The following BANK1 variants were observed in gnomAD, a reference collection of about 807,000 sequenced individuals.
BANK1 encodes B-cell scaffold protein with ankyrin repeats.
In BANK1, 95 loss-of-function variants were observed where a neutral mutation model predicts 94.5. That is an observed-to-expected ratio of 1.00 (90% CI 0.85 to 1.19). The LOEUF is 1.19. Among genes scored for constraint, BANK1 ranks in the 50% most tolerant of loss-of-function variants. BANK1 has a pLI of 0.00. For missense variants in BANK1, 987 were observed against 932.2 expected (o/e 1.06, Z -0.77); for synonymous variants, 334 against 308.4 (o/e 1.08, Z -0.87).
intron 10 of BANK1, among the ~76,000 whole-genome samples, chr4:102,035,828 C>CT (rs892305879): frequency 2.6e-4 from 38 of 148,300 alleles, no homozygotes; most frequent in African/African-American, 4.7e-4. Context: ...TTTTCCTCTA[C>CT]TTTTTTTTTT....
intron 4 of BANK1, among the ~76,000 whole-genome samples, chr4:101,863,079 G>T (rs910885028): frequency 1.3e-5 from 2 of 150,346 alleles, no homozygotes; most frequent in African/African-American, 2.4e-5. Context: ...GTATATTTTT[G>T]TTACTCTGAA....
At position 101,961,640 on chromosome 4, in the gene BANK1, C is replaced by G. The variant is rs77750729; in HGVS notation, c.1206+43451C>G. On this transcript the variant is annotated intron_variant, in intron 7 of 16. Coordinates refer to ENST00000322953, the MANE Select transcript of BANK1 (RefSeq NM_017935.5). ...CGTTTATTTTAAGGCAATTCTACAG[C>G]AAATAAATGAAATTTTGAAAGTCAG... Among the ~76,000 whole-genome samples, 572 of 152,112 alleles carry G rather than the reference C, an allele frequency of 3.8e-3. 3 individuals carry two copies. The highest frequency in any genetic ancestry group is 0.013 in the African/African-American group (538 of 41,500).
chr4:102,071,292 C>T lies in BANK1; in HGVS notation c.2230C>T (p.His744Tyr), dbSNP rs1728751668. The change falls in exon 14 of 17, where the codon CAC becomes TAC. Residue 744 changes from histidine to tyrosine, a missense_variant. Physicochemically the swap from His to Tyr is moderately conservative, Grantham distance 83 (BLOSUM62 2). Transcript: ENST00000322953. ...ENVYNKLTIV[H>Y]HPGGKETAHN... ...TCTTCCAGATAAACTCACCATTGTG[C>T]ACCATCCAGGTGGTAAGTGCTTGGT... 6.2e-7 allele frequency: 1 copy of T among 1,613,868 alleles called. No homozygotes were observed. The highest frequency in any genetic ancestry group is 2.2e-5 in the East Asian group (1 of 44,854).
chr4:101,928,918 GAATTT>G (rs1723250608), intron 7 of BANK1, among the ~76,000 whole-genome samples: 12 of 151,686 alleles, frequency 7.9e-5, no homozygotes, highest in Admixed American at 7.9e-4. Flanking sequence ...ACCCTCTGAG[GAATTT>G]CTACTTAGTT....
At chr4:101,997,659 T>C (rs922725747) in intron 7 of BANK1, among the ~76,000 whole-genome samples, 3 of 152,204 alleles carry the variant, frequency 2.0e-5, no homozygotes, top group African/African-American at 7.2e-5. Context: ...GGATGGTGTA[T>C]GTGTCCAGGA....
At chr4:102,007,170 A>ATATATATAT (rs1560682419) in intron 7 of BANK1, among the ~76,000 whole-genome samples, 8 of 113,196 alleles carry the variant, frequency 7.1e-5, no homozygotes, top group Non-Finnish European at 1.3e-4. Flanking sequence ...ATATATATAT[A>ATATATATAT]AAATCCCTAA....
chr4:101,809,777 T>G (rs937522011), intron 1 of BANK1, among the ~76,000 whole-genome samples: 1 of 152,236 alleles, frequency 6.6e-6, no homozygotes, highest in East Asian at 1.9e-4. Context: ...TGCACATATA[T>G]CCATTTTACT....
Position 102,070,236 on chromosome 4 carries a change from T to A in BANK1, c.2213-1039T>A, listed in dbSNP as rs180845446. Among the ~76,000 whole-genome samples the A allele has an allele frequency of 5.3e-5, 8 of 152,314 alleles. No homozygotes were observed. The East Asian group carries it at 1.5e-3, about 29-fold the overall frequency. On this transcript the variant is annotated intron_variant, in intron 13 of 16. Transcript: ENST00000322953. ...CCCTGTTTAACCTTGATCCTAAGACTTTATATGCTGGCCAACTTCCAGCAT... is the reference window on the plus strand; with the variant it reads ...CCCTGTTTAACCTTGATCCTAAGACATTATATGCTGGCCAACTTCCAGCAT...
intron 7 of BANK1, among the ~76,000 whole-genome samples, chr4:101,954,075 A>G (rs182617418): frequency 2.6e-5 from 4 of 152,098 alleles, no homozygotes; most frequent in East Asian, 3.9e-4. Flanking sequence ...GTTGCCAGTA[A>G]TTCTTGACAT....
intron 1 of BANK1, among the ~76,000 whole-genome samples, chr4:101,791,195 C>T (rs1724972741): frequency 3.4e-5 from 5 of 147,382 alleles, no homozygotes; most frequent in Admixed American, 3.4e-4. Flanking sequence ...GCGGGCTACC[C>T]TCAGTGTCTG....
At chr4:101,889,680 G>A (rs1721778276) in intron 5 of BANK1, among the ~76,000 whole-genome samples, 1 of 139,168 alleles carries the variant, frequency 7.2e-6, no homozygotes, top group Non-Finnish European at 1.6e-5. Context: ...TTTCAATTTT[G>A]AGTTCAGCTG....
intron 7 of BANK1, among the ~76,000 whole-genome samples, chr4:101,985,298 T>G (rs1725446125): frequency 6.6e-6 from 1 of 152,116 alleles, no homozygotes; most frequent in Admixed American, 6.6e-5. Flanking sequence ...TTCACACACG[T>G]TGGAGGAGGG....
intron 6 of BANK1, among the ~76,000 whole-genome samples, chr4:101,899,014 T>G (rs948724653): frequency 6.6e-6 from 1 of 152,202 alleles, no homozygotes; most frequent in Non-Finnish European, 1.5e-5. Flanking sequence ...AAATCAACAC[T>G]GAGGAGATTT....
chr4:102,066,543 C>T (rs957355225), intron 13 of BANK1, among the ~76,000 whole-genome samples: 2 of 151,902 alleles, frequency 1.3e-5, no homozygotes, highest in African/African-American at 4.8e-5. Context: ...AGGCGTGAGC[C>T]AATGCGACCA....
chr4:101,824,079 A>G (rs1726275710), intron 1 of BANK1, among the ~76,000 whole-genome samples: 1 of 152,230 alleles, frequency 6.6e-6, no homozygotes, highest in Non-Finnish European at 1.5e-5. Context: ...CTCTCTGGTT[A>G]CTGTGTAGAA....
At chr4:101,798,790 C>A in intron 1 of BANK1, among the ~76,000 whole-genome samples, 1 of 152,090 alleles carries the variant, frequency 6.6e-6, no homozygotes, top group Non-Finnish European at 1.5e-5. Context: ...TATCCTTTGC[C>A]CACTTTTTGA....
intron 7 of BANK1, among the ~76,000 whole-genome samples, chr4:101,928,249 C>T (rs1223527515): frequency 2.6e-5 from 4 of 151,652 alleles, no homozygotes; most frequent in South Asian, 4.2e-4. Context: ...GTCCCAAATA[C>T]GTCTTATTAG....
chr4:101,986,811 G>GTA (rs1335835631), intron 7 of BANK1, among the ~76,000 whole-genome samples: 7 of 131,916 alleles, frequency 5.3e-5, no homozygotes, highest in African/African-American at 1.4e-4. Flanking sequence ...GTATATATAT[G>GTA]TATATATATG....
At chr4:102,021,431 A>G in intron 7 of BANK1, 83 bp from the exon 8 acceptor site, 1 of 517,810 alleles carries the variant, frequency 1.9e-6, no homozygotes, top group Non-Finnish European at 3.3e-6. Flanking sequence ...AAATAAAAAC[A>G]AAAACTATTT....
Sources: allele counts gnomAD v4.1 joint callset (sites outside exome capture counted in the v4.1 genomes callset), GRCh38; gene constraint gnomAD v4.1.1; transcripts MANE v1.5; gene names NCBI Gene and HGNC (gene_info 2026-07-23, HGNC 2026-07-21).